JAKMIP2: variants seen among roughly 807,000 people sequenced by gnomAD.
JAKMIP2 encodes janus kinase and microtubule-interacting protein 2.
A neutral mutation model predicts 115.0 loss-of-function variants in JAKMIP2; 25 were observed. That is an observed-to-expected ratio of 0.22 (90% CI 0.16 to 0.30). JAKMIP2 has a LOEUF of 0.30. Ranked by LOEUF, JAKMIP2 falls within the 10% of genes least tolerant of loss-of-function variation. The probability of loss-of-function intolerance (pLI) is 1.00; values close to 1 mark genes in which losing one functional copy is unlikely to be tolerated. For synonymous variants in JAKMIP2, 334 were observed against 343.6 expected, an observed-to-expected ratio of 0.97 and a Z score of 0.31; for missense variants, 642 against 957.6, an observed-to-expected ratio of 0.67 and a Z score of 4.35.
intron 1 of JAKMIP2, among the ~76,000 whole-genome samples, chr5:147,702,774 ATGG>A (rs1752427061): frequency 1.3e-5 from 2 of 152,026 alleles, no homozygotes; most frequent in Admixed American, 1.3e-4. Context: ...TGATCCAAAC[ATGG>A]TTGAGTATGG....
chr5:147,722,576 G>T (rs930013842), intron 1 of JAKMIP2, among the ~76,000 whole-genome samples: 5 of 152,108 alleles, frequency 3.3e-5, no homozygotes. Context: ...TTGACCTGTG[G>T]TTTTAAAATA....
At chr5:147,630,282 T>C in intron 14 of JAKMIP2, among the ~76,000 whole-genome samples, 1 of 152,186 alleles carries the variant, frequency 6.6e-6, no homozygotes, top group East Asian at 1.9e-4. Context: ...ATCTATCTTA[T>C]TTTTACCCTG....
rs1407486437 is a variant in JAKMIP2 at position 147,595,530 on chromosome 5, C to G, written c.*21-3844G>C. 10 of 455,052 alleles carry G rather than the reference C, an allele frequency of 2.2e-5. No individual in the cohort carries two copies. In the East Asian group the frequency reaches 6.9e-4, roughly 32 times the overall value. 28.2% of individuals were successfully genotyped at this position (455,052 alleles called of 1,614,324 possible). A position where few individuals can be genotyped will look rare whatever the true frequency, so the allele number is the denominator to read the frequency against. On this transcript the variant is annotated intron_variant, in intron 21 of 21. Coordinates refer to ENST00000616793, the MANE Select transcript of JAKMIP2 (RefSeq NM_001270941.2). ...TGGTGCCTCGATCTTCAATTTCCAG[C>G]CTCCAGAGTGGTGAGCAATACATTA...
At chr5:147,712,845 C>A (rs1350020061) in intron 1 of JAKMIP2, among the ~76,000 whole-genome samples, 2 of 152,168 alleles carry the variant, frequency 1.3e-5, no homozygotes, top group Non-Finnish European at 2.9e-5. Context: ...AGACGTTTCT[C>A]TTCCTCTTTC....
rs186830625 is a variant in JAKMIP2, at chr5:147,588,148, G to T, written c.*3559C>A. The T allele has an allele frequency of 5.3e-5, 8 of 152,148 alleles. No individual in the cohort carries two copies. The East Asian group carries it at 1.5e-3, about 29-fold the overall frequency. The allele number at this position is 152,148 out of a possible 1,614,324, so 9.4% of individuals were successfully genotyped here. ...ATGCTTTTTAAGTATGATAGTCAAA[G>T]ATAGTCTCTCTATGTTTTTCCCCTC... On this transcript the variant is annotated 3_prime_UTR_variant, in exon 22 of 22. Coordinates refer to ENST00000616793, the MANE Select transcript of JAKMIP2 (RefSeq NM_001270941.2).
At chr5:147,716,174 T>G (rs1400252056) in intron 1 of JAKMIP2, among the ~76,000 whole-genome samples, 1 of 140,942 alleles carries the variant, frequency 7.1e-6, no homozygotes, top group Non-Finnish European at 1.5e-5. Context: ...GGACATGAAC[T>G]CATCATTTTT....
At chr5:147,616,101 A>G (rs1345993322) in intron 19 of JAKMIP2, among the ~76,000 whole-genome samples, 1 of 152,132 alleles carries the variant, frequency 6.6e-6, no homozygotes, top group Non-Finnish European at 1.5e-5. Flanking sequence ...AGATGGGGAG[A>G]GAGAAGAGAA....
At chr5:147,678,800 T>C (rs1472250528) in intron 1 of JAKMIP2, among the ~76,000 whole-genome samples, 1 of 152,064 alleles carries the variant, frequency 6.6e-6, no homozygotes, top group Non-Finnish European at 1.5e-5. Context: ...TGTATATACC[T>C]ACTACATACC....
chr5:147,782,408 A>G, intron 1 of JAKMIP2, 48 bp downstream of exon 1: 1 of 1,529,750 alleles, frequency 6.5e-7, no homozygotes, highest in Non-Finnish European at 8.8e-7. Flanking sequence ...CACAGGTCAA[A>G]TAAGAACACT....
intron 1 of JAKMIP2, among the ~76,000 whole-genome samples, chr5:147,724,336 T>G (rs1367406955): frequency 6.6e-6 from 1 of 152,214 alleles, no homozygotes; most frequent in South Asian, 2.1e-4. Context: ...TTTTGTTGTC[T>G]TGCTCTTATT....
chr5:147,736,511 A>G (rs2126983009), intron 1 of JAKMIP2, among the ~76,000 whole-genome samples: 1 of 152,294 alleles, frequency 6.6e-6, no homozygotes, highest in South Asian at 2.1e-4. Context: ...AATCATTGCC[A>G]GAAGCATTTT....
At chr5:147,626,596 A>C (rs545163615) in intron 16 of JAKMIP2, among the ~76,000 whole-genome samples, 1 of 152,316 alleles carries the variant, frequency 6.6e-6, no homozygotes. Context: ...ACTAGTACCT[A>C]GTCTCCAGCA....
In JAKMIP2 at chr5:147,656,369, C is replaced by T. The variant is rs141129378; in HGVS notation, c.627+4579G>A. On this transcript the variant is annotated intron_variant, in intron 3 of 21. Coordinates refer to ENST00000616793, the MANE Select transcript of JAKMIP2 (RefSeq NM_001270941.2). Reference sequence around the variant, plus strand: ...AACTTGTTTTATGAATCTGGGTGCTCCTATATTGGGTGCATATATTTTTAG... The same window carrying T: ...AACTTGTTTTATGAATCTGGGTGCTTCTATATTGGGTGCATATATTTTTAG... Among the ~76,000 whole-genome samples, 479 of 152,256 alleles carry T rather than the reference C, an allele frequency of 3.1e-3. 5 individuals are homozygous for T. The highest frequency in any genetic ancestry group is 0.011 in the African/African-American group (468 of 41,556).
chr5:147,665,070 T>A (rs1469305594), intron 2 of JAKMIP2, among the ~76,000 whole-genome samples: 1 of 152,158 alleles, frequency 6.6e-6, no homozygotes, highest in Non-Finnish European at 1.5e-5. Context: ...AATCTAGATC[T>A]TACTCTCCAT....
chr5:147,681,684 C>T (rs1760288411), intron 1 of JAKMIP2, among the ~76,000 whole-genome samples: 1 of 152,064 alleles, frequency 6.6e-6, no homozygotes, highest in African/African-American at 2.4e-5. Flanking sequence ...GTGTGATAAT[C>T]ATACAGAGGA....
intron 1 of JAKMIP2, among the ~76,000 whole-genome samples, chr5:147,736,267 C>A (rs1263909246): frequency 1.3e-5 from 2 of 151,686 alleles, no homozygotes. Context: ...ACCAGCCTGG[C>A]CAACATACTG....
chr5:147,729,773 CAA>C (rs368040956), intron 1 of JAKMIP2, among the ~76,000 whole-genome samples: 40 of 83,926 alleles, frequency 4.8e-4, no homozygotes, highest in African/African-American at 7.4e-4. Flanking sequence ...GACTCTGTCT[CAA>C]AAAAAAAAAA....
rs1175170472 is a variant in JAKMIP2, at chr5:147,618,007, T to G, written c.2250A>C (p.Ala750=). 1.2e-6 allele frequency: 2 copies of G among 1,614,190 alleles called. No individual in the cohort carries two copies. Among genetic ancestry groups the G allele is most frequent in the South Asian group, 2.2e-5 (2 of 91,088 alleles). The change falls in exon 19 of 22, where the codon GCA becomes GCC. Residue 750 remains alanine (A), a synonymous_variant. Coordinates refer to ENST00000616793, the MANE Select transcript of JAKMIP2 (RefSeq NM_001270941.2). ...SEKQQEELRT[A]VEKLRRQMLR... ...GCATTTGCCGCCGTAACTTTTCTAC[T>G]GCCGTCCTCAGCTCCTCTTGCTGTT...
chr5:147,702,654 A>AAG (rs1314924823), intron 1 of JAKMIP2, among the ~76,000 whole-genome samples: 1 of 102,726 alleles, frequency 9.7e-6, no homozygotes, highest in African/African-American at 4.3e-5. Flanking sequence ...GAAAGAAAGA[A>AAG]AGAAAGAAAG....
Sources: allele counts gnomAD v4.1 joint callset (sites outside exome capture counted in the v4.1 genomes callset), GRCh38; gene constraint gnomAD v4.1.1; transcripts MANE v1.5; gene names NCBI Gene and HGNC (gene_info 2026-07-23, HGNC 2026-07-21).